COL4A5: variants seen among roughly 807,000 people sequenced by gnomAD.
COL4A5 encodes collagen type IV alpha 5 chain.
Under a neutral mutation model 130.2 loss-of-function variants are expected in COL4A5, and 26 were observed. That is an observed-to-expected ratio of 0.20 (90% CI 0.15 to 0.28). COL4A5 has a LOEUF of 0.28. COL4A5 is among the 10% of genes least tolerant of loss of function. The pLI is 1.00. For synonymous variants in COL4A5, 496 were observed against 439.6 expected (o/e 1.13, Z -1.60); for missense variants, 1,131 against 1,344.3 (o/e 0.84, Z 2.48).
chrX:108,481,650 C>T (rs1708573008), intron 1 of COL4A5, among the ~76,000 whole-genome samples: 1 of 111,684 alleles, frequency 9.0e-6, no homozygotes, highest in Non-Finnish European at 1.9e-5. Context: ...ACGGTAGGTA[C>T]ACCCACCTTG....
intron 1 of COL4A5, among the ~76,000 whole-genome samples, chrX:108,532,547 C>A (rs1484174305): frequency 9.0e-6 from 1 of 111,444 alleles, no homozygotes; most frequent in African/African-American, 3.3e-5. Flanking sequence ...TTCACCACTC[C>A]TATTCAACAT....
chrX:108,541,028 G>A (rs2065532194), intron 2 of COL4A5, among the ~76,000 whole-genome samples: 1 of 111,979 alleles, frequency 8.9e-6, no homozygotes, highest in African/African-American at 3.2e-5. Flanking sequence ...TATGTCTAGG[G>A]CATAATCTAC....
Position 108,694,880 on chromosome X carries a change from C to G in COL4A5, c.4780C>G (p.Gln1594Glu), listed in dbSNP as rs1338834010. The G allele has an allele frequency of 8.3e-7, 1 of 1,208,404 alleles. No homozygotes were observed. The highest frequency in any genetic ancestry group is 3.0e-5 in the East Asian group (1 of 33,802). ...GACGATCCAGATTCCCCATTGTCCT[C>G]AGGGATGGGATTCTCTGTGGATTGG... ...SQTIQIPHCP[Q>E]GWDSLWIGYS... The change falls in exon 51 of 53, where the codon CAG becomes GAG. Residue 1594 changes from glutamine to glutamate, a missense_variant. Physicochemically the swap from Gln to Glu is conservative, Grantham distance 29. Coordinates refer to ENST00000328300, the MANE Select transcript of COL4A5 (RefSeq NM_033380.3).
intron 3 of COL4A5, among the ~76,000 whole-genome samples, chrX:108,562,738 T>C (rs2065914291): frequency 1.8e-5 from 2 of 112,016 alleles, no homozygotes; most frequent in South Asian, 3.7e-4. Flanking sequence ...TGTTAACATA[T>C]ATACTAAGTC....
intron 1 of COL4A5, among the ~76,000 whole-genome samples, chrX:108,476,189 T>A (rs1651565425): frequency 8.9e-6 from 1 of 112,200 alleles, no homozygotes; most frequent in Admixed American, 9.5e-5. Flanking sequence ...TTTCTTCTAA[T>A]TGTATACGCC....
At chrX:108,529,437 T>C (rs1172076715) in intron 1 of COL4A5, among the ~76,000 whole-genome samples, 1 of 111,055 alleles carries the variant, frequency 9.0e-6, no homozygotes, top group African/African-American at 3.3e-5. Context: ...GCGGTAACAC[T>C]ATAGCAATCT....
intron 1 of COL4A5, among the ~76,000 whole-genome samples, chrX:108,537,660 A>G (rs2065475127): frequency 8.9e-6 from 1 of 112,039 alleles, no homozygotes; most frequent in African/African-American, 3.2e-5. Context: ...TAAAGGCTGA[A>G]GATGGAAAGC....
intron 3 of COL4A5, among the ~76,000 whole-genome samples, chrX:108,562,121 A>G (rs113725151): frequency 8.9e-6 from 1 of 111,875 alleles, no homozygotes; most frequent in African/African-American, 3.2e-5. Context: ...ATCTATGCAT[A>G]CTATTGGCAT....
At chrX:108,558,146 T>C (rs1361237624) in intron 2 of COL4A5, among the ~76,000 whole-genome samples, 1 of 92,600 alleles carries the variant, frequency 1.1e-5, no homozygotes, top group Non-Finnish European at 2.1e-5. Flanking sequence ...CATTGTTCAA[T>C]TCCCACCTAT....
chrX:108,517,531 T>C (rs1398016343), intron 1 of COL4A5, among the ~76,000 whole-genome samples: 1 of 111,774 alleles, frequency 8.9e-6, no homozygotes, highest in African/African-American at 3.2e-5. Context: ...GTCAGTACTA[T>C]GGTCTGGCTG....
At chrX:108,657,095 ATCT>A (rs1393870610) in intron 37 of COL4A5, among the ~76,000 whole-genome samples, 1 of 111,965 alleles carries the variant, frequency 8.9e-6, no homozygotes, top group African/African-American at 3.2e-5. Flanking sequence ...TATGGAAATA[ATCT>A]TCTAATTTTT....
chrX:108,651,308 T>C (rs908323075), intron 36 of COL4A5, among the ~76,000 whole-genome samples: 2 of 112,190 alleles, frequency 1.8e-5, no homozygotes, highest in African/African-American at 6.5e-5. Context: ...TTGTACACTT[T>C]AAGTGGATGA....
chrX:108,673,010 T>C (rs962390638), intron 42 of COL4A5, among the ~76,000 whole-genome samples: 1 of 112,172 alleles, frequency 8.9e-6, no homozygotes, highest in Non-Finnish European at 1.9e-5. Flanking sequence ...GCTTTGAAAG[T>C]TTTATTAGGA....
chrX:108,640,710 A>G (rs914017295), intron 36 of COL4A5, among the ~76,000 whole-genome samples: 1 of 111,595 alleles, frequency 9.0e-6, no homozygotes, highest in African/African-American at 3.3e-5. Flanking sequence ...CCACAGGACT[A>G]TACCCTTAAA....
intron 2 of COL4A5, among the ~76,000 whole-genome samples, chrX:108,542,358 T>G (rs2065557715): frequency 9.2e-6 from 1 of 108,366 alleles, no homozygotes; most frequent in Non-Finnish European, 1.9e-5. Context: ...ACATGCAGTG[T>G]TTGGTTTCTT....
At chrX:108,600,930 A>G (rs1255943040) in intron 25 of COL4A5, among the ~76,000 whole-genome samples, 1 of 111,082 alleles carries the variant, frequency 9.0e-6, no homozygotes, top group African/African-American at 3.3e-5. Flanking sequence ...AAAGAGAGAG[A>G]GCAGAGAATT....
At chrX:108,641,720 C>G (rs1163380230) in intron 36 of COL4A5, among the ~76,000 whole-genome samples, 2 of 111,937 alleles carry the variant, frequency 1.8e-5, no homozygotes, top group East Asian at 5.7e-4. Context: ...GTAGAGGAAG[C>G]AGCAGGAAAG....
chrX:108,457,668 C>A (rs189394525), intron 1 of COL4A5, among the ~76,000 whole-genome samples: 1 of 111,500 alleles, frequency 9.0e-6, no homozygotes, highest in African/African-American at 3.3e-5. Flanking sequence ...TAACTACTGC[C>A]GTAATCAAGA....
At chrX:108,581,117 A>C in intron 16 of COL4A5, 90 bp downstream of exon 16, 1 of 743,004 alleles carries the variant, frequency 1.3e-6, no homozygotes, top group Admixed American at 2.3e-5. Flanking sequence ...TATGACAAAA[A>C]TTGTGGGGTC....
Sources: gnomAD v4.1 joint callset for allele counts (sites outside exome capture counted in the v4.1 genomes callset) on GRCh38, gnomAD v4.1.1 for gene constraint, MANE v1.5 for transcripts, NCBI Gene and HGNC (gene_info 2026-07-23, HGNC 2026-07-21) for gene names.